MRC1: variants seen among roughly 807,000 people sequenced by gnomAD.
MRC1 encodes macrophage mannose receptor 1.
Under a neutral mutation model 102.9 loss-of-function variants are expected in MRC1, and 62 were observed. The ratio of observed to expected loss-of-function variants is 0.60; its 90% CI spans 0.49 to 0.74. MRC1 has a LOEUF of 0.74. Ranked by LOEUF, MRC1 falls within the 30% of genes least tolerant of loss-of-function variation. The pLI is 0.00. For synonymous variants in MRC1, 457 were observed against 298.4 expected (o/e 1.53, Z -5.48); for missense variants, 1,237 against 862.8 (o/e 1.43, Z -5.43).
intron 1 of MRC1, among the ~76,000 whole-genome samples, chr10:17,817,762 A>G (rs1455119133): frequency 2.0e-5 from 3 of 152,216 alleles, no homozygotes; most frequent in Non-Finnish European, 4.4e-5. Context: ...TTTCTGTTAC[A>G]AAAACATAAT....
intron 17 of MRC1, among the ~76,000 whole-genome samples, chr10:17,877,457 CATATATATATTTT>C (rs1833452585): frequency 1.3e-5 from 2 of 150,214 alleles, no homozygotes; most frequent in African/African-American, 4.9e-5. Context: ...GACTATTTTT[CATATATATATTTT>C]GTATATATAT....
intron 26 of MRC1, among the ~76,000 whole-genome samples, chr10:17,903,008 A>T (rs1310487080): frequency 6.6e-6 from 1 of 152,176 alleles, no homozygotes; most frequent in Non-Finnish European, 1.5e-5. Flanking sequence ...ACTAATGTTT[A>T]TCTAAAAGTC....
At position 17,907,562 on chromosome 10, in the gene MRC1, G is replaced by T; in HGVS notation, c.3942G>T (p.Pro1314=). The change falls in exon 28 of 30, where the codon CCG becomes CCT. Residue 1314 remains proline, a synonymous_variant. Coordinates refer to ENST00000569591, the MANE Select transcript of MRC1 (RefSeq NM_002438.4). The part of the protein sequence containing the change: ...EGTWLWINNS[P]VSFVNWNTGD... ...CGTGGCTGTGGATAAATAACAGTCC[G>T]GTCTCCTTTGTCAACTGGAACACAG... The T allele has an allele frequency of 3.8e-6, 3 of 780,788 alleles. No homozygotes were observed. Among genetic ancestry groups the T allele is most frequent in the South Asian group, 1.3e-5 (1 of 74,610 alleles). The allele number at this position is 780,788 out of a possible 1,614,324, so 48.4% of individuals were successfully genotyped here.
Position 17,863,578 on chromosome 10 carries a change from A to G in MRC1, c.1679A>G (p.Glu560Gly). The G allele has an allele frequency of 1.3e-6, 1 of 780,862 alleles. No homozygotes were observed. The highest frequency in any genetic ancestry group is 2.4e-6 in the Non-Finnish European group (1 of 417,954). The allele number at this position is 780,862 out of a possible 1,614,324, so 48.4% of individuals were successfully genotyped here. A position where few individuals can be genotyped will look rare whatever the true frequency, so the allele number is the denominator to read the frequency against. ...FLTSFVGLRP[E>G]KYFWTGLSDI... ...ACTAGTTTCGTTGGCTTAAGGCCTG[A>G]AAAATATTTCTGGACAGGACTTTCA... The change falls in exon 11 of 30, where the codon GAA becomes GGA. Residue 560 changes from glutamate (E) to glycine (G), a missense_variant. By Grantham distance (98) the Glu-to-Gly change is moderately conservative. Coordinates refer to ENST00000569591, the MANE Select transcript of MRC1 (RefSeq NM_002438.4).
At position 17,909,179 on chromosome 10, in the gene MRC1, A is replaced by G. The variant is rs1833935954; in HGVS notation, c.4079-127A>G. On this transcript the variant is annotated intron_variant, in intron 28 of 29. Transcript: ENST00000569591. ...CCTGTATTTTTATATCTATCATATC[A>G]TAATATCATATATCAATCAACACAC... is the stretch of plus-strand genomic sequence containing the variant. 4.4e-6 allele frequency: 3 copies of G among 683,950 alleles called. No individual in the cohort carries two copies. The South Asian group carries it at 5.0e-5, about 11-fold the overall frequency. The allele number at this position is 683,950 out of a possible 1,614,324, so 42.4% of individuals were successfully genotyped here.
chr10:17,848,166 A>G (rs1838854831), intron 6 of MRC1, among the ~76,000 whole-genome samples: 1 of 152,198 alleles, frequency 6.6e-6, no homozygotes, highest in African/African-American at 2.4e-5. Context: ...AAGGTACCCT[A>G]TAACGAACAT....
At chr10:17,903,951 A>G (rs1554843806) in intron 26 of MRC1, among the ~76,000 whole-genome samples, 1 of 150,604 alleles carries the variant, frequency 6.6e-6, no homozygotes, top group East Asian at 1.9e-4. Flanking sequence ...GCGAGACTTC[A>G]TTTCAAAAGA....
chr10:17,850,158 A>T (rs1838891968), intron 7 of MRC1, among the ~76,000 whole-genome samples: 1 of 151,916 alleles, frequency 6.6e-6, no homozygotes, highest in Admixed American at 6.6e-5. Context: ...TATCTCCTAA[A>T]AAAGATTTCT....
intron 22 of MRC1, among the ~76,000 whole-genome samples, chr10:17,892,463 TG>T (rs1403322899): frequency 6.6e-6 from 1 of 152,170 alleles, no homozygotes; most frequent in Non-Finnish European, 1.5e-5. Flanking sequence ...TTCTCCAATC[TG>T]GGGGGCAGCT....
intron 18 of MRC1, among the ~76,000 whole-genome samples, chr10:17,878,527 C>T (rs1332709651): frequency 6.6e-6 from 1 of 152,050 alleles, no homozygotes; most frequent in East Asian, 1.9e-4. Flanking sequence ...TTTCTTGTAC[C>T]TTAATACATA....
intron 17 of MRC1, among the ~76,000 whole-genome samples, chr10:17,877,343 T>G (rs889218767): frequency 0.18 from 26,107 of 147,862 alleles, 2,622 homozygotes; most frequent in Non-Finnish European, 0.23. Flanking sequence ...AGAAAATATA[T>G]GTAATACATG....
intron 5 of MRC1, among the ~76,000 whole-genome samples, chr10:17,841,401 T>G (rs1356372621): frequency 6.6e-6 from 1 of 152,202 alleles, no homozygotes; most frequent in East Asian, 1.9e-4. Flanking sequence ...AAATACTATC[T>G]CAGTTACAGC....
chr10:17,840,829 C>T (rs953760612), intron 5 of MRC1, 23 bp downstream of exon 5: 16 of 780,562 alleles, frequency 2.0e-5, no homozygotes, highest in South Asian at 4.0e-5. Context: ...CTGTTTGTGT[C>T]GAATTAATCC....
intron 5 of MRC1, among the ~76,000 whole-genome samples, chr10:17,841,672 T>A (rs1489457472): frequency 6.6e-6 from 1 of 151,854 alleles, no homozygotes; most frequent in Admixed American, 6.6e-5. Context: ...CAACTGGCGT[T>A]AGTAGCCACT....
intron 24 of MRC1, among the ~76,000 whole-genome samples, chr10:17,899,106 G>T (rs1259403906): frequency 9.4e-6 from 1 of 106,740 alleles, no homozygotes; most frequent in Non-Finnish European, 1.8e-5. Flanking sequence ...ATATCAAGAA[G>T]ACAAAAAAAA....
chr10:17,898,979 A>C (rs1213555324), intron 24 of MRC1, among the ~76,000 whole-genome samples: 4 of 152,178 alleles, frequency 2.6e-5, no homozygotes, highest in Non-Finnish European at 5.9e-5. Context: ...GCATATAGAA[A>C]GTGTCATGAG....
intron 2 of MRC1, among the ~76,000 whole-genome samples, chr10:17,825,652 T>G (rs878873103): frequency 0.019 from 2,932 of 152,284 alleles, 56 homozygotes; most frequent in African/African-American, 0.048. Flanking sequence ...GAGCATTACT[T>G]GAGCCCAGGT....
At chr10:17,896,432 C>T (rs1833756532) in intron 23 of MRC1, among the ~76,000 whole-genome samples, 2 of 152,132 alleles carry the variant, frequency 1.3e-5, no homozygotes, top group Non-Finnish European at 2.9e-5. Context: ...CCATCTTTGC[C>T]TCTGTTCTTT....
At chr10:17,898,669 C>T (rs1429240353) in intron 24 of MRC1, among the ~76,000 whole-genome samples, 7 of 152,162 alleles carry the variant, frequency 4.6e-5, no homozygotes, top group African/African-American at 9.7e-5. Flanking sequence ...TGTGGCAAGA[C>T]GTTCTAGACT....
Sources: gnomAD v4.1 joint callset for allele counts (sites outside exome capture counted in the v4.1 genomes callset) on GRCh38, gnomAD v4.1.1 for gene constraint, MANE v1.5 for transcripts, NCBI Gene and HGNC (gene_info 2026-07-23, HGNC 2026-07-21) for gene names.